Variants in GRID1 observed in about 807,000 individuals in gnomAD.
GRID1 encodes glutamate ionotropic receptor delta type subunit 1.
In GRID1, 28 loss-of-function variants were observed where a neutral mutation model predicts 98.0. The ratio of observed to expected loss-of-function variants is 0.29; its 90% confidence interval spans 0.21 to 0.39. The LOEUF is 0.39. Among genes scored for constraint, GRID1 ranks in the 10% least tolerant of loss-of-function variants. GRID1 has a pLI of 1.00. For missense variants in GRID1, 1,111 were observed against 1,340.5 expected (o/e 0.83, Z 2.67); for synonymous variants, 553 against 538.5 (o/e 1.03, Z -0.37).
At chr10:86,267,858 A>G (rs927731675) in intron 2 of GRID1, among the ~76,000 whole-genome samples, 17 of 152,068 alleles carry the variant, frequency 1.1e-4, no homozygotes, top group African/African-American at 2.9e-4. Context: ...ACCTTTTCAC[A>G]CTTTGTCCCT....
chr10:86,242,887 G>T (rs537583724), intron 2 of GRID1, among the ~76,000 whole-genome samples: 62 of 152,296 alleles, frequency 4.1e-4, no homozygotes, highest in African/African-American at 1.4e-3. Flanking sequence ...ACAGGGATCT[G>T]GTACTGACAG....
chr10:86,361,806 G>A (rs924494199), intron 2 of GRID1, among the ~76,000 whole-genome samples: 1 of 152,210 alleles, frequency 6.6e-6, no homozygotes, highest in African/African-American at 2.4e-5. Context: ...ACGCCCAATG[G>A]CAAAATCTGT....
At chr10:85,670,191 A>G (rs1360068575) in intron 12 of GRID1, among the ~76,000 whole-genome samples, 1 of 152,218 alleles carries the variant, frequency 6.6e-6, no homozygotes, top group Non-Finnish European at 1.5e-5. Flanking sequence ...AAAGCCCTTT[A>G]AAGAAAACTT....
chr10:85,895,016 A>AAATATATATAT (rs766551035), intron 5 of GRID1, among the ~76,000 whole-genome samples: 1 of 97,110 alleles, frequency 1.0e-5, no homozygotes, highest in Non-Finnish European at 2.1e-5. Context: ...AAAAAAAAAA[A>AAATATATATAT]ATATATATAT....
At chr10:85,629,549 C>T (rs1011380169) in intron 13 of GRID1, among the ~76,000 whole-genome samples, 4 of 152,184 alleles carry the variant, frequency 2.6e-5, no homozygotes, top group Non-Finnish European at 2.9e-5. Flanking sequence ...CACGATACTG[C>T]AAAAGACATT....
At chr10:86,095,601 C>CA (rs1372619630) in intron 4 of GRID1, among the ~76,000 whole-genome samples, 1 of 151,914 alleles carries the variant, frequency 6.6e-6, no homozygotes, top group Admixed American at 6.6e-5. Flanking sequence ...ACAAACATAT[C>CA]AAAAAAATGC....
chr10:85,844,292 GAGTT>G (rs1397034894), intron 8 of GRID1, among the ~76,000 whole-genome samples: 1 of 152,036 alleles, frequency 6.6e-6, no homozygotes, highest in Non-Finnish European at 1.5e-5. Flanking sequence ...AGGGAGGTAT[GAGTT>G]AGGTCCATGT....
intron 2 of GRID1, among the ~76,000 whole-genome samples, chr10:86,215,248 T>G (rs1846158439): frequency 6.6e-6 from 1 of 152,184 alleles, no homozygotes; most frequent in Non-Finnish European, 1.5e-5. Flanking sequence ...CAGAGCCGAA[T>G]GGTCCTGAGG....
At chr10:85,881,670 C>G (rs138070261) in intron 5 of GRID1, among the ~76,000 whole-genome samples, 25,048 of 151,924 alleles carry the variant, frequency 0.16, 2,062 homozygotes, top group South Asian at 0.22. Context: ...CCATAAAAAC[C>G]CTAGAAGAAA....
chr10:85,880,643 A>G (rs1652660853), intron 5 of GRID1, among the ~76,000 whole-genome samples: 1 of 152,002 alleles, frequency 6.6e-6, no homozygotes, highest in African/African-American at 2.4e-5. Context: ...AGAGCTATCT[A>G]TGACAAACCC....
chr10:85,600,481 A>G lies in GRID1; in HGVS notation c.*1792T>C, dbSNP rs3812655. On this transcript the variant is annotated 3_prime_UTR_variant, in exon 16 of 16. Transcript: ENST00000327946. ...GGCTAGTTATCACCCTCATAAATAC[A>G]TCTCTCTAGAAACTCTACAAGGCTA... 0.018 allele frequency: 2,768 copies of G among 152,294 alleles called. 42 individuals carry two copies. Among genetic ancestry groups the G allele is most frequent in the East Asian group, 0.059 (303 of 5,172 alleles). The allele number at this position is 152,294 out of a possible 1,614,324, so 9.4% of individuals were successfully genotyped here. A position where few individuals can be genotyped will look rare whatever the true frequency, so the allele number is the denominator to read the frequency against.
At chr10:85,670,383 A>G (rs1299228915) in intron 12 of GRID1, among the ~76,000 whole-genome samples, 3 of 152,248 alleles carry the variant, frequency 2.0e-5, no homozygotes, top group African/African-American at 4.8e-5. Context: ...TGGGATTTCA[A>G]TGGGCTTTTT....
At chr10:85,777,750 G>A (rs1397893362) in intron 8 of GRID1, among the ~76,000 whole-genome samples, 6 of 152,146 alleles carry the variant, frequency 3.9e-5, no homozygotes, top group Non-Finnish European at 8.8e-5. Flanking sequence ...CCCAGTTTTC[G>A]CAGTGAAAGT....
At chr10:86,338,577 G>C (rs1163818258) in intron 2 of GRID1, among the ~76,000 whole-genome samples, 1 of 152,056 alleles carries the variant, frequency 6.6e-6, no homozygotes, top group African/African-American at 2.4e-5. Flanking sequence ...CCCCAGGGGA[G>C]GGGGGAGTCT....
At chr10:86,103,389 T>C (rs1292076476) in intron 4 of GRID1, among the ~76,000 whole-genome samples, 2 of 152,098 alleles carry the variant, frequency 1.3e-5, no homozygotes. Context: ...TCATTCCCTG[T>C]GAGCCTGTGA....
chr10:86,098,330 T>C (rs1282613439), intron 4 of GRID1, among the ~76,000 whole-genome samples: 3 of 152,194 alleles, frequency 2.0e-5, no homozygotes, highest in Non-Finnish European at 4.4e-5. Flanking sequence ...ATATGTGCAT[T>C]CTTGTGTCTT....
intron 9 of GRID1, among the ~76,000 whole-genome samples, 180 bp downstream of exon 9, chr10:85,729,333 A>G (rs1176744423): frequency 1.3e-5 from 2 of 152,184 alleles, no homozygotes; most frequent in African/African-American, 4.8e-5. Context: ...CTGGGGCAGA[A>G]ACTTCAATCT....
rs558596324 is a variant in GRID1, at chr10:86,042,246, G to A, written c.726+96573C>T. On this transcript the variant is annotated intron_variant, in intron 4 of 15. Coordinates refer to ENST00000327946, the MANE Select transcript of GRID1 (RefSeq NM_017551.3). ...CCTGGGACAGACAGGAGGTTTTTCT[G>A]TGTCCCTGGGGTCTCTCCTCAGCTG... Among the ~76,000 whole-genome samples, 21 of 152,336 alleles carry A rather than the reference G, an allele frequency of 1.4e-4. No homozygotes were observed. The South Asian group carries it at 3.7e-3, about 27-fold the overall frequency.
chr10:85,695,001 G>T (rs962786782), intron 12 of GRID1, among the ~76,000 whole-genome samples: 1 of 151,750 alleles, frequency 6.6e-6, no homozygotes, highest in African/African-American at 2.4e-5. Flanking sequence ...GGAGGGAAGA[G>T]AAGATGAATA....
Sources: gnomAD v4.1 joint callset for allele counts (sites outside exome capture counted in the v4.1 genomes callset) on GRCh38, gnomAD v4.1.1 for gene constraint, MANE v1.5 for transcripts, NCBI Gene and HGNC (gene_info 2026-07-23, HGNC 2026-07-21) for gene names.